The following C1QTNF7 variants were observed in gnomAD, a reference collection of about 807,000 sequenced individuals.
The protein encoded by C1QTNF7 is complement C1q tumor necrosis factor-related protein 7.
Under a neutral mutation model 19.6 loss-of-function variants are expected in C1QTNF7, and 15 were observed. The ratio of observed to expected loss-of-function variants is 0.76; its 90% CI spans 0.51 to 1.18. The LOEUF (loss-of-function observed/expected upper bound fraction) is 1.18, where lower values mean the gene tolerates loss of function less well. C1QTNF7 is among the 50% of genes most tolerant of loss of function. The probability of loss-of-function intolerance (pLI) is 0.00; values close to 1 mark genes in which losing one functional copy is unlikely to be tolerated. For synonymous variants in C1QTNF7, 142 were observed against 137.5 expected, an observed-to-expected ratio of 1.03 and a Z score of -0.23; for missense variants, 324 against 359.7, an observed-to-expected ratio of 0.90 and a Z score of 0.80.
chr4:15,428,947 T>A (rs13149679), intron 1 of C1QTNF7, among the ~76,000 whole-genome samples: 6 of 152,090 alleles, frequency 3.9e-5, no homozygotes, highest in Admixed American at 1.3e-4. Context: ...TGAAGTAATA[T>A]GTTATAGTTT....
At chr4:15,365,349 C>T (rs983281801) in intron 1 of C1QTNF7, among the ~76,000 whole-genome samples, 1 of 151,936 alleles carries the variant, frequency 6.6e-6, no homozygotes, top group African/African-American at 2.4e-5. Flanking sequence ...CAGCCTTGAG[C>T]ATATTATTTC....
intron 1 of C1QTNF7, among the ~76,000 whole-genome samples, chr4:15,347,785 T>G (rs1395968548): frequency 6.6e-6 from 1 of 152,182 alleles, no homozygotes; most frequent in Non-Finnish European, 1.5e-5. Flanking sequence ...TTAAAGACAC[T>G]ATTTTCCTTA....
chr4:15,423,330 A>G (rs972387433), upstream of C1QTNF7, among the ~76,000 whole-genome samples: 18 of 151,996 alleles, frequency 1.2e-4, no homozygotes, highest in Admixed American at 2.6e-4. Context: ...TTCAAGCTGT[A>G]TGTTCAGGGC....
At position 15,442,131 on chromosome 4, in the gene C1QTNF7, G is replaced by A. The variant is rs771240329; in HGVS notation, c.239-37G>A. 3.9e-6 allele frequency: 6 copies of A among 1,545,744 alleles called. No individual in the cohort carries two copies. In the Admixed American group the frequency reaches 8.5e-5, roughly 22 times the overall value. ...TATATTGTTTGTGATTATATCTTTTGAGGAACTATTAATCAAACTATATAC... is the reference window on the plus strand; with the variant it reads ...TATATTGTTTGTGATTATATCTTTTAAGGAACTATTAATCAAACTATATAC... On this transcript the variant is annotated intron_variant, in intron 2 of 2. Coordinates refer to ENST00000444304, the MANE Select transcript of C1QTNF7 (RefSeq NM_031911.5).
chr4:15,419,241 C>A (rs1711622313), intron 1 of C1QTNF7, among the ~76,000 whole-genome samples: 2 of 152,182 alleles, frequency 1.3e-5, no homozygotes, highest in South Asian at 4.1e-4. Context: ...TTCTGGGAAT[C>A]TATCCTAAGG....
At position 15,417,976 on chromosome 4, in the gene C1QTNF7, C is replaced by T. The variant is rs552957576; in HGVS notation, c.14-17760C>T. 5.1e-4 allele frequency among the ~76,000 whole-genome samples: 77 copies of T among 152,076 alleles called. 1 individual carries two copies. Among genetic ancestry groups the T allele is most frequent in the African/African-American group, 1.7e-3 (72 of 41,496 alleles). On this transcript the variant is annotated intron_variant, in intron 1 of 2. Transcript: ENST00000295297. Reference sequence around the variant, plus strand: ...TCATGAAGGATCCATCCCCATGACCCAAACACCTCCTACCAGGCCCCATCT... The same window carrying T: ...TCATGAAGGATCCATCCCCATGACCTAAACACCTCCTACCAGGCCCCATCT...
intron 1 of C1QTNF7, among the ~76,000 whole-genome samples, chr4:15,430,206 A>G (rs1712242178): frequency 6.6e-6 from 1 of 152,224 alleles, no homozygotes; most frequent in African/African-American, 2.4e-5. Flanking sequence ...TTAAAAACAA[A>G]AACCTGTTAC....
intron 1 of C1QTNF7, among the ~76,000 whole-genome samples, chr4:15,430,776 A>G (rs1712270587): frequency 6.6e-6 from 1 of 152,212 alleles, no homozygotes; most frequent in Non-Finnish European, 1.5e-5. Context: ...TTGAAAATAT[A>G]AAGTTATATC....
At chr4:15,353,531 A>G (rs552835364) in intron 1 of C1QTNF7, among the ~76,000 whole-genome samples, 1 of 152,308 alleles carries the variant, frequency 6.6e-6, no homozygotes, top group South Asian at 2.1e-4. Context: ...AAATCGGTCC[A>G]GGGAGCCTGT....
At chr4:15,377,580 T>C (rs747171980) in intron 1 of C1QTNF7, among the ~76,000 whole-genome samples, 3 of 152,170 alleles carry the variant, frequency 2.0e-5, no homozygotes, top group Admixed American at 6.5e-5. Flanking sequence ...TCAAGTTGGT[T>C]TCTCTGAAAA....
intron 1 of C1QTNF7, among the ~76,000 whole-genome samples, chr4:15,419,656 G>A (rs986076260): frequency 4.6e-5 from 7 of 151,984 alleles, no homozygotes; most frequent in African/African-American, 1.5e-4. Flanking sequence ...CTGATATTTC[G>A]TGAGCGTATA....
At chr4:15,385,728 G>T (rs913156369) in intron 1 of C1QTNF7, among the ~76,000 whole-genome samples, 12 of 152,162 alleles carry the variant, frequency 7.9e-5, no homozygotes, top group Non-Finnish European at 1.5e-4. Flanking sequence ...CTGTCAGCAG[G>T]CAAGGCAAGG....
intron 1 of C1QTNF7, chr4:15,374,861 C>A: frequency 1.7e-6 from 1 of 600,478 alleles, no homozygotes. Context: ...GTTTCTCTCT[C>A]TCTCTCTCTC....
Position 15,428,088 on chromosome 4 carries a change from C to G in C1QTNF7, c.-27C>G, listed in dbSNP as rs1406563934. The G allele has an allele frequency of 1.0e-6, 1 of 985,338 alleles. No homozygotes were observed. Among genetic ancestry groups the G allele is most frequent in the East Asian group, 1.1e-4 (1 of 8,814 alleles). 61.0% of individuals were successfully genotyped at this position (985,338 alleles called of 1,614,324 possible). On this transcript the variant is annotated 5_prime_UTR_variant, in exon 1 of 3. Transcript: ENST00000444304. ...TTGTGGATTTAGAATCCTGCAGCAG[C>G]CCACCATCTAAGAGCAAGGTATGGT...
chr4:15,340,132 T>C lies in C1QTNF7; in HGVS notation c.-63T>C, dbSNP rs188238821. ...CTGCTTTAAATTTTTAATAGTTAAC[T>C]ACATTCATGGGACAACCAAAGCAAG... On this transcript the variant is annotated 5_prime_UTR_variant, in exon 1 of 3. Transcript: ENST00000295297. 2.4e-3 allele frequency: 3,705 copies of C among 1,531,194 alleles called. 16 individuals are homozygous for C. The highest frequency in any genetic ancestry group is 2.9e-3 in the Non-Finnish European group (3,222 of 1,128,344). 94.9% of individuals were successfully genotyped at this position (1,531,194 alleles called of 1,614,324 possible). A position where few individuals can be genotyped will look rare whatever the true frequency, so the allele number is the denominator to read the frequency against.
At chr4:15,440,168 G>A (rs1712693395) in intron 2 of C1QTNF7, among the ~76,000 whole-genome samples, 1 of 152,058 alleles carries the variant, frequency 6.6e-6, no homozygotes, top group African/African-American at 2.4e-5. Context: ...AAATGTTCCT[G>A]TATGGTGATT....
intron 1 of C1QTNF7, among the ~76,000 whole-genome samples, chr4:15,422,190 C>A (rs1577273655): frequency 1.6e-5 from 2 of 127,988 alleles, no homozygotes; most frequent in Admixed American, 8.6e-5. Context: ...TAATTATAAT[C>A]TAATAAACCT....
At chr4:15,412,246 T>G (rs561307194) in intron 1 of C1QTNF7, among the ~76,000 whole-genome samples, 75 of 152,236 alleles carry the variant, frequency 4.9e-4, no homozygotes, top group Non-Finnish European at 8.5e-4. Context: ...CACTATACAT[T>G]ACAGTATAAT....
intron 1 of C1QTNF7, among the ~76,000 whole-genome samples, chr4:15,378,216 C>T (rs4698375): frequency 0.48 from 73,030 of 152,000 alleles, 19,174 homozygotes; most frequent in African/African-American, 0.69. Context: ...AAAGACAAAA[C>T]GAAACAAAGC....
Sources: gnomAD v4.1 joint callset for allele counts (sites outside exome capture counted in the v4.1 genomes callset) on GRCh38, gnomAD v4.1.1 for gene constraint, MANE v1.5 for transcripts, NCBI Gene and HGNC (gene_info 2026-07-23, HGNC 2026-07-21) for gene names.